DOCK5: variants seen among roughly 807,000 people sequenced by gnomAD.
DOCK5 encodes dedicator of cytokinesis 5.
In DOCK5, 142 loss-of-function variants were observed where a neutral mutation model predicts 251.8. The ratio of observed to expected loss-of-function variants is 0.56; its 90% CI spans 0.49 to 0.65. The LOEUF (loss-of-function observed/expected upper bound fraction) is 0.65, where lower values mean the gene tolerates loss of function less well. Among genes scored for constraint, DOCK5 ranks in the 30% least tolerant of loss-of-function variants. The probability of loss-of-function intolerance (pLI) is 0.00; values close to 1 mark genes in which losing one functional copy is unlikely to be tolerated. For missense variants in DOCK5, 2,111 were observed against 2,312.3 expected (o/e 0.91, Z 1.79); for synonymous variants, 842 against 835.5 (o/e 1.01, Z -0.13).
At chr8:25,237,217 A>G (rs1391926768) in intron 1 of DOCK5, among the ~76,000 whole-genome samples, 1 of 151,944 alleles carries the variant, frequency 6.6e-6, no homozygotes, top group Non-Finnish European at 1.5e-5. Flanking sequence ...AAAATTTTAA[A>G]AATTAGCCAG....
intron 1 of DOCK5, among the ~76,000 whole-genome samples, chr8:25,195,834 C>T (rs116337931): frequency 9.5e-4 from 144 of 152,290 alleles, no homozygotes; most frequent in Middle Eastern, 3.4e-3. Context: ...TATGAGGACA[C>T]GAACTCTTTT....
At chr8:25,363,827 G>A (rs938168522) in intron 29 of DOCK5, among the ~76,000 whole-genome samples, 1 of 152,186 alleles carries the variant, frequency 6.6e-6, no homozygotes, top group African/African-American at 2.4e-5. Context: ...CATAACCTCT[G>A]GCTGTCAGCA....
intron 5 of DOCK5, among the ~76,000 whole-genome samples, chr8:25,282,967 C>T (rs928488105): frequency 1.4e-5 from 2 of 147,696 alleles, no homozygotes; most frequent in Admixed American, 6.8e-5. Flanking sequence ...CAGAAATGTA[C>T]GTTGTGGATC....
rs200685584 is a variant in DOCK5 at position 25,372,755 on chromosome 8, G to A, written c.3684+37G>A. The A allele has an allele frequency of 5.1e-6, 8 of 1,583,302 alleles. No homozygotes were observed. In the African/African-American group the frequency reaches 8.1e-5, roughly 16 times the overall value. Reference sequence around the variant, plus strand: ...GCCTCCGGTGTGATGGGAGGGTACTGTCAGGCCGCCCCTGCACCCTACAGC... The same window carrying A: ...GCCTCCGGTGTGATGGGAGGGTACTATCAGGCCGCCCCTGCACCCTACAGC... On this transcript the variant is annotated intron_variant, in intron 35 of 51. Coordinates refer to ENST00000276440, the MANE Select transcript of DOCK5 (RefSeq NM_024940.8).
intron 22 of DOCK5, among the ~76,000 whole-genome samples, chr8:25,339,232 T>A (rs1805889975): frequency 6.6e-6 from 1 of 152,170 alleles, no homozygotes; most frequent in Non-Finnish European, 1.5e-5. Context: ...ATTACCTGGC[T>A]GGATTTCACC....
rs769085658 is a variant in DOCK5, at chr8:25,292,175, AGGTAAACCAGGGAT to A, written c.470+6_470+19del. Reference sequence around the variant, plus strand: ...GCCAAAATTGATCATGGGAACAGGTAGGTAAACCAGGGATGGCTTTTCACTGAAAACTTGGCGAA... The same window carrying A: ...GCCAAAATTGATCATGGGAACAGGTAGGCTTTTCACTGAAAACTTGGCGAA... On this transcript the variant is annotated splice_donor_5th_base_variant and intron_variant, in intron 6 of 51. Transcript: ENST00000276440. 1.9e-6 allele frequency: 3 copies of A among 1,563,094 alleles called. No homozygotes were observed. In the South Asian group the frequency reaches 3.5e-5, roughly 18 times the overall value.
At chr8:25,346,388 C>T (rs1586348896) in intron 26 of DOCK5, among the ~76,000 whole-genome samples, 1 of 152,184 alleles carries the variant, frequency 6.6e-6, no homozygotes, top group East Asian at 1.9e-4. Context: ...TCCTCTGATG[C>T]CTAACAACCT....
At chr8:25,386,514 C>T (rs1036747129) in intron 40 of DOCK5, among the ~76,000 whole-genome samples, 2 of 152,134 alleles carry the variant, frequency 1.3e-5, no homozygotes, top group African/African-American at 4.8e-5. Context: ...AGGAGGATTG[C>T]TTGAGTATTG....
At chr8:25,268,767 A>T (rs1294305558) in intron 2 of DOCK5, 78 bp from the exon 3 acceptor site, 7 of 1,219,520 alleles carry the variant, frequency 5.7e-6, no homozygotes, top group Non-Finnish European at 8.1e-6. Flanking sequence ...CTAATAGAAC[A>T]TGAGAGTATA....
intron 38 of DOCK5, 32 bp from the exon 39 acceptor site, chr8:25,380,273 C>G (rs1321270422): frequency 6.3e-7 from 1 of 1,579,972 alleles, no homozygotes; most frequent in East Asian, 2.3e-5. Flanking sequence ...GCCTTGTTCT[C>G]CACTTTTAAC....
intron 1 of DOCK5, among the ~76,000 whole-genome samples, chr8:25,186,349 C>CTTTTTTTTTTTTTTTTTGTTTT (rs1554512819): frequency 8.0e-6 from 1 of 124,818 alleles, no homozygotes; most frequent in Non-Finnish European, 1.7e-5. Flanking sequence ...CCTCAGGGCT[C>CTTTTTTTTTTTTTTTTTGTTTT]TTTTTTTTTT....
At chr8:25,326,423 C>T (rs1370620816) in intron 18 of DOCK5, among the ~76,000 whole-genome samples, 4 of 152,076 alleles carry the variant, frequency 2.6e-5, no homozygotes, top group South Asian at 2.1e-4. Context: ...TTCAACAAGT[C>T]GTGGTTGACA....
At chr8:25,270,389 C>T (rs1031116164) in intron 3 of DOCK5, among the ~76,000 whole-genome samples, 5 of 152,098 alleles carry the variant, frequency 3.3e-5, no homozygotes, top group Non-Finnish European at 7.4e-5. Flanking sequence ...ATTATGGCCA[C>T]TCTTGCTTTT....
At position 25,302,345 on chromosome 8, in the gene DOCK5, C is replaced by T; in HGVS notation, c.867C>T (p.Leu289=). ...AVFTDLSSMD[L]IRPRVSLVCQ... Reference sequence around the variant, plus strand: ...TTTAGGACCTTAGCAGCATGGACCTCATCCGGCCCCGCGTCAGCCTTGTGT... The same window carrying T: ...TTTAGGACCTTAGCAGCATGGACCTTATCCGGCCCCGCGTCAGCCTTGTGT... Residue 289 remains leucine (L), a synonymous_variant, in exon 10 of 52, where the codon CTC becomes CTT. Coordinates refer to ENST00000276440, the MANE Select transcript of DOCK5 (RefSeq NM_024940.8). The T allele has an allele frequency of 1.2e-6, 2 of 1,612,686 alleles. No individual in the cohort carries two copies. The highest frequency in any genetic ancestry group is 1.7e-6 in the Non-Finnish European group (2 of 1,179,314).
chr8:25,252,262 A>G (rs1430831342), intron 2 of DOCK5, among the ~76,000 whole-genome samples: 1 of 152,210 alleles, frequency 6.6e-6, no homozygotes, highest in Non-Finnish European at 1.5e-5. Context: ...GCCAAGAGAG[A>G]GACAAAAGAT....
chr8:25,196,960 A>G (rs942531458), intron 1 of DOCK5, among the ~76,000 whole-genome samples: 18 of 152,142 alleles, frequency 1.2e-4, no homozygotes, highest in African/African-American at 4.1e-4. Context: ...GCACTTTAGG[A>G]GGCTGAGGCT....
At chr8:25,306,276 A>G (rs1450538365) in intron 11 of DOCK5, among the ~76,000 whole-genome samples, 1 of 152,232 alleles carries the variant, frequency 6.6e-6, no homozygotes, top group African/African-American at 2.4e-5. Context: ...GCACAGTGCT[A>G]AAGTTAATTA....
chr8:25,384,459 ATTTATTTTTTT>A lies in DOCK5; in HGVS notation c.4131+1685_4131+1695del, dbSNP rs1398148004. Reference sequence around the variant, plus strand: ...TATTTATTTATTTATTTATTTATTTATTTATTTTTTTTTTTTTTGAGACAGTGTCTCGCTCT... The same window carrying A: ...TATTTATTTATTTATTTATTTATTTATTTTTTTGAGACAGTGTCTCGCTCT... On this transcript the variant is annotated intron_variant, in intron 40 of 51. Coordinates refer to ENST00000276440, the MANE Select transcript of DOCK5 (RefSeq NM_024940.8). 1.9e-3 allele frequency among the ~76,000 whole-genome samples: 128 copies of A among 65,682 alleles called. 1 individual carries two copies. Among genetic ancestry groups the A allele is most frequent in the African/African-American group, 7.0e-3 (105 of 15,016 alleles). 43.1% of individuals were successfully genotyped at this position (65,682 alleles called of 152,430 possible).
At chr8:25,263,622 C>T (rs1379962512) in intron 2 of DOCK5, among the ~76,000 whole-genome samples, 1 of 151,752 alleles carries the variant, frequency 6.6e-6, no homozygotes, top group Non-Finnish European at 1.5e-5. Context: ...CCCCCTCACC[C>T]CGTTTTAGCT....
Sources: allele counts gnomAD v4.1 joint callset (sites outside exome capture counted in the v4.1 genomes callset), GRCh38; gene constraint gnomAD v4.1.1; transcripts MANE v1.5; gene names NCBI Gene and HGNC (gene_info 2026-07-23, HGNC 2026-07-21).